The following MTMR3 variants were observed in gnomAD, a reference collection of about 807,000 sequenced individuals.
MTMR3 encodes myotubularin related protein 3.
A neutral mutation model predicts 132.4 loss-of-function variants in MTMR3; 32 were observed. The ratio of observed to expected loss-of-function variants is 0.24; its 90% confidence interval spans 0.18 to 0.32. The LOEUF is 0.32. Among genes scored for constraint, MTMR3 ranks in the 10% least tolerant of loss-of-function variants. The pLI is 1.00. For synonymous variants in MTMR3, 556 were observed against 550.3 expected, an observed-to-expected ratio of 1.01 and a Z score of -0.14; for missense variants, 1,216 against 1,489.6, an observed-to-expected ratio of 0.82 and a Z score of 3.02.
At chr22:29,931,176 TACTG>T (rs1287968738) in intron 1 of MTMR3, among the ~76,000 whole-genome samples, 5 of 152,302 alleles carry the variant, frequency 3.3e-5, no homozygotes, top group East Asian at 1.9e-4. Context: ...GCAGTGGAAA[TACTG>T]ACACAACAAG....
At position 29,909,344 on chromosome 22, in the gene MTMR3, C is replaced by T. The variant is rs553101889; in HGVS notation, c.-138+25985C>T. Among the ~76,000 whole-genome samples the T allele has an allele frequency of 2.6e-3, 399 of 152,212 alleles. 2 individuals carry two copies. The highest frequency in any genetic ancestry group is 9.1e-3 in the African/African-American group (380 of 41,532). ...AGAAAAAAATTAGTTTCTTAATTTA[C>T]GTTGCGTTTCTGCCTTTTTGAGATT... On this transcript the variant is annotated intron_variant, in intron 1 of 19. Transcript: ENST00000401950.
intron 1 of MTMR3, among the ~76,000 whole-genome samples, chr22:29,938,235 CT>C (rs1480154445): frequency 1.3e-5 from 2 of 152,204 alleles, no homozygotes; most frequent in Non-Finnish European, 2.9e-5. Context: ...TGGAATCTTC[CT>C]GAATATTCCA....
chr22:29,911,666 A>G (rs1472208317), intron 1 of MTMR3, among the ~76,000 whole-genome samples: 4 of 151,112 alleles, frequency 2.6e-5, no homozygotes, highest in Admixed American at 6.6e-5. Context: ...TGGGCTTTCT[A>G]CGTATTTAAA....
intron 1 of MTMR3, among the ~76,000 whole-genome samples, chr22:29,923,039 C>CA (rs1234196944): frequency 1.5e-5 from 2 of 137,016 alleles, no homozygotes; most frequent in East Asian, 2.5e-4. Context: ...CACATCCAGC[C>CA]AATTTTTTTT....
chr22:29,977,895 G>A (rs1025702857), intron 3 of MTMR3, among the ~76,000 whole-genome samples: 1 of 152,044 alleles, frequency 6.6e-6, no homozygotes, highest in East Asian at 1.9e-4. Flanking sequence ...GTCTGTTATC[G>A]CAGCACTTTG....
At position 29,970,044 on chromosome 22, in the gene MTMR3, G is replaced by T. The variant is rs2066502294; in HGVS notation, c.-84-932G>T. 2.0e-5 allele frequency among the ~76,000 whole-genome samples: 3 copies of T among 152,142 alleles called. No individual in the cohort carries two copies. The South Asian group carries it at 6.2e-4, about 32-fold the overall frequency. ...AGAAATGTTGGTTTTGCATGAGACT[G>T]TTCAAAGAAAAGAGCAACTTACTTA... is the stretch of plus-strand genomic sequence containing the variant. On this transcript the variant is annotated intron_variant, in intron 2 of 19. Transcript: ENST00000401950.
intron 1 of MTMR3, among the ~76,000 whole-genome samples, chr22:29,933,955 A>C (rs574227073): frequency 1.6e-4 from 24 of 152,302 alleles, no homozygotes; most frequent in African/African-American, 5.8e-4. Flanking sequence ...ATATTCGTCT[A>C]CTTATTTCCC....
chr22:29,888,219 A>AT (rs1284964216), intron 1 of MTMR3, among the ~76,000 whole-genome samples: 1 of 152,070 alleles, frequency 6.6e-6, no homozygotes, highest in Non-Finnish European at 1.5e-5. Flanking sequence ...TATAATTTTC[A>AT]TTTTTTGTAG....
intron 5 of MTMR3, chr22:29,980,176 C>G (rs921813643): frequency 6.6e-6 from 1 of 151,180 alleles, no homozygotes; most frequent in African/African-American, 2.4e-5. Flanking sequence ...CTTGTTCATT[C>G]GTTTTACTCA....
chr22:30,020,371 T>G lies in MTMR3; in HGVS notation c.2712T>G (p.Leu904=). 1 of 1,614,178 alleles carries G rather than the reference T, an allele frequency of 6.2e-7. No homozygotes were observed. Among genetic ancestry groups the G allele is most frequent in the Non-Finnish European group, 8.5e-7 (1 of 1,180,028 alleles). The part of the protein sequence containing the change: ...QVGSVVHRTS[L]GSTLSLTRSP... ...GGTCTGTGGTGCATAGGACTTCCCT[T>G]GGCAGCACTCTCAGCCTGACACGTT... Residue 904 remains leucine (L), a synonymous_variant, in exon 17 of 20, where the codon CTT becomes CTG. Transcript: ENST00000401950.
chr22:29,961,988 G>A (rs1277212357), intron 2 of MTMR3, among the ~76,000 whole-genome samples: 2 of 152,218 alleles, frequency 1.3e-5, no homozygotes, highest in Non-Finnish European at 2.9e-5. Context: ...GCCTAGGTGT[G>A]TAGTAGACTG....
chr22:29,939,945 C>T (rs1455236060), intron 1 of MTMR3, among the ~76,000 whole-genome samples: 1 of 152,194 alleles, frequency 6.6e-6, no homozygotes, highest in Non-Finnish European at 1.5e-5. Flanking sequence ...ACAATACACC[C>T]TCCCCGCCCT....
At chr22:29,954,117 G>C (rs2066141166) in intron 1 of MTMR3, among the ~76,000 whole-genome samples, 1 of 118,536 alleles carries the variant, frequency 8.4e-6, no homozygotes, top group Admixed American at 1.3e-4. Flanking sequence ...AGGTCTCACT[G>C]TCATCCAGGC....
chr22:29,996,621 G>GA (rs546274938), intron 7 of MTMR3: 18 of 152,266 alleles, frequency 1.2e-4, no homozygotes, highest in South Asian at 1.0e-3. Flanking sequence ...AGAGTCGGGG[G>GA]AAAAAATCTC....
chr22:29,961,937 G>A (rs1327013626), intron 2 of MTMR3, among the ~76,000 whole-genome samples: 1 of 152,222 alleles, frequency 6.6e-6, no homozygotes, highest in Non-Finnish European at 1.5e-5. Flanking sequence ...GTAACATGCT[G>A]TGCAGGTTTG....
At chr22:29,936,985 A>G (rs1030552290) in intron 1 of MTMR3, among the ~76,000 whole-genome samples, 3 of 152,150 alleles carry the variant, frequency 2.0e-5, no homozygotes, top group African/African-American at 7.2e-5. Context: ...TGAGTTTTAG[A>G]TATAAAGGCT....
At chr22:29,964,097 G>A (rs2066368312) in intron 2 of MTMR3, among the ~76,000 whole-genome samples, 1 of 152,146 alleles carries the variant, frequency 6.6e-6, no homozygotes, top group South Asian at 2.1e-4. Flanking sequence ...AGAGTATGAG[G>A]TTACTTGTTT....
chr22:30,005,490 C>T (rs2067256115), intron 9 of MTMR3: 1 of 152,200 alleles, frequency 6.6e-6, no homozygotes, highest in Admixed American at 6.5e-5. Context: ...CCCAACCAGC[C>T]TCTTGTGCAG....
chr22:29,960,982 ATTG>A (rs1479430547), intron 2 of MTMR3, among the ~76,000 whole-genome samples: 1 of 152,218 alleles, frequency 6.6e-6, no homozygotes, highest in Non-Finnish European at 1.5e-5. Flanking sequence ...AGGAAGGTAG[ATTG>A]TTAACCATTA....
Sources: allele counts gnomAD v4.1 joint callset (sites outside exome capture counted in the v4.1 genomes callset), GRCh38; gene constraint gnomAD v4.1.1; transcripts MANE v1.5; gene names NCBI Gene and HGNC (gene_info 2026-07-23, HGNC 2026-07-21).